The following PSMB2 variants were observed in gnomAD, a reference collection of about 807,000 sequenced individuals.
The protein encoded by PSMB2 is proteasome subunit beta type-2.
PSMB2 carries 13 observed loss-of-function variants against 25.7 expected under a neutral mutation model. The ratio of observed to expected loss-of-function variants is 0.51; its 90% CI spans 0.33 to 0.80. The LOEUF is 0.80. Among genes scored for constraint, PSMB2 ranks in the 30% least tolerant of loss-of-function variants. The probability of loss-of-function intolerance (pLI) is 0.02; values close to 1 mark genes in which losing one functional copy is unlikely to be tolerated. For missense variants in PSMB2, 202 were observed against 259.0 expected (o/e 0.78, Z 1.51); for synonymous variants, 87 against 96.2 (o/e 0.90, Z 0.56).
intron 3 of PSMB2, among the ~76,000 whole-genome samples, chr1:35,627,519 C>T (rs1650901345): frequency 1.3e-5 from 2 of 151,932 alleles, no homozygotes; most frequent in South Asian, 4.2e-4. Context: ...TAGTGGTATG[C>T]ACCTACAGTC....
rs1433122794 is a variant in PSMB2, at chr1:35,599,926, A to T, written c.*3341T>A. On this transcript the variant is annotated 3_prime_UTR_variant, in exon 6 of 6. Transcript: ENST00000373237. Reference sequence around the variant, plus strand: ...GGTGGGAGGATCACTTGAGGCCAAGAGTTCGAGACCAGCCTAGGCAACATG... The same window carrying T: ...GGTGGGAGGATCACTTGAGGCCAAGTGTTCGAGACCAGCCTAGGCAACATG... 1 of 859,164 alleles carries T rather than the reference A, an allele frequency of 1.2e-6. No homozygotes were observed. Among genetic ancestry groups the T allele is most frequent in the African/African-American group, 1.8e-5 (1 of 54,516 alleles). The allele number at this position is 859,164 out of a possible 1,614,324, so 53.2% of individuals were successfully genotyped here.
chr1:35,641,349 C>T lies in PSMB2; in HGVS notation c.84G>A (p.Met28Ile). 6.2e-7 allele frequency: 1 copy of T among 1,614,146 alleles called. No homozygotes were observed. The highest frequency in any genetic ancestry group is 8.5e-7 in the Non-Finnish European group (1 of 1,180,024). Residue 28 changes from methionine (M) to isoleucine (I), a missense_variant, in exon 1 of 6, where the codon ATG (methionine) becomes ATA (isoleucine). Coordinates refer to ENST00000373237, the MANE Select transcript of PSMB2 (RefSeq NM_002794.5). Reference sequence around the variant, plus strand: ...TCCCCTGCTTCCTCTCACCGTCCTTCATCTGGACAATATTGCTGGCGGCCA... The same window carrying T: ...TCCCCTGCTTCCTCTCACCGTCCTTTATCTGGACAATATTGCTGGCGGCCA... Reference protein sequence around the residue: ...DRVAASNIVQMKDDHDKMFKM... With the variant: ...DRVAASNIVQIKDDHDKMFKM...
chr1:35,609,522 G>A (rs1650270590), intron 3 of PSMB2, 114 bp from the exon 4 acceptor site: 1 of 984,430 alleles, frequency 1.0e-6, no homozygotes, highest in South Asian at 2.4e-5. Context: ...AGCAGCAACT[G>A]AGTAAATCAC....
Position 35,641,377 on chromosome 1 carries a change from C to G in PSMB2, c.56G>C (p.Arg19Pro), listed in dbSNP as rs1285635809. ...GPDYVLVASD[R>P]VAASNIVQMK... is the part of the protein sequence containing the mutation. Reference sequence around the variant, plus strand: ...CTGGACAATATTGCTGGCGGCCACCCGGTCGGAGGCGACAAGAACATAGTC... The same window carrying G: ...CTGGACAATATTGCTGGCGGCCACCGGGTCGGAGGCGACAAGAACATAGTC... Residue 19 changes from arginine (R) to proline (P), a missense_variant, in exon 1 of 6, where the codon CGG becomes CCG. Transcript: ENST00000373237. 1 of 1,614,104 alleles carries G rather than the reference C, an allele frequency of 6.2e-7. No individual in the cohort carries two copies. Among genetic ancestry groups the G allele is most frequent in the Non-Finnish European group, 8.5e-7 (1 of 1,180,018 alleles).
At chr1:35,604,517 T>C (rs951558945) in intron 5 of PSMB2, among the ~76,000 whole-genome samples, 3 of 152,124 alleles carry the variant, frequency 2.0e-5, no homozygotes, top group Admixed American at 1.3e-4. Context: ...TGGTGGCTCA[T>C]GCCTGTAATC....
Position 35,601,481 on chromosome 1 carries a change from G to T in PSMB2, c.*1786C>A. 1 of 985,328 alleles carries T rather than the reference G, an allele frequency of 1.0e-6. No individual in the cohort carries two copies. The highest frequency in any genetic ancestry group is 1.2e-6 in the Non-Finnish European group (1 of 829,896). 61.0% of individuals were successfully genotyped at this position (985,328 alleles called of 1,614,324 possible). ...TGGAGGTTGAATCAACTGTAGTGAC[G>T]TGAATCATCTCTTTTCTCCCATTTA... On this transcript the variant is annotated 3_prime_UTR_variant, in exon 6 of 6. Transcript: ENST00000373237.
Position 35,638,734 on chromosome 1 carries a change from C to A in PSMB2, c.92-2302G>T, listed in dbSNP as rs186686394. On this transcript the variant is annotated intron_variant, in intron 1 of 5. Transcript: ENST00000373237. The stretch of plus-strand genomic sequence containing the variant: ...GCCAAGAGAAAAGAGACATGAAATG[C>A]GGCATATAAGCAAACCAAAAGTTAT... Among the ~76,000 whole-genome samples, 4 of 152,210 alleles carry A rather than the reference C, an allele frequency of 2.6e-5. No homozygotes were observed. In the South Asian group the frequency reaches 8.3e-4, roughly 32 times the overall value.
rs1296049200 is a variant in PSMB2 at position 35,617,711 on chromosome 1, G to A, written c.286-8303C>T. On this transcript the variant is annotated intron_variant, in intron 3 of 5. Coordinates refer to ENST00000373237, the MANE Select transcript of PSMB2 (RefSeq NM_002794.5). ...GTATACGTGAAGACAAAGAAACAGA[G>A]GAATATGGAATGTCTGGATACTGGT... Among the ~76,000 whole-genome samples the A allele has an allele frequency of 2.6e-5, 4 of 152,188 alleles. No individual in the cohort carries two copies. In the East Asian group the frequency reaches 7.7e-4, roughly 29 times the overall value.
rs533727147 is a variant in PSMB2, at chr1:35,610,791, G to T, written c.286-1383C>A. On this transcript the variant is annotated intron_variant, in intron 3 of 5. Transcript: ENST00000373237. Reference sequence around the variant, plus strand: ...TTACAGGCGTGAGCCACTGCGCCCGGCCATAAGTCTCAAATATTTAAATCA... The same window carrying T: ...TTACAGGCGTGAGCCACTGCGCCCGTCCATAAGTCTCAAATATTTAAATCA... Among the ~76,000 whole-genome samples the T allele has an allele frequency of 2.0e-5, 3 of 152,326 alleles. No individual in the cohort carries two copies. The East Asian group carries it at 5.8e-4, about 29-fold the overall frequency.
chr1:35,606,326 C>T (rs1028399592), intron 4 of PSMB2, among the ~76,000 whole-genome samples: 3 of 152,156 alleles, frequency 2.0e-5, no homozygotes, highest in Non-Finnish European at 2.9e-5. Flanking sequence ...AGAAAACTCT[C>T]ACATCTGATA....
chr1:35,632,738 A>G (rs528923834), intron 2 of PSMB2, among the ~76,000 whole-genome samples: 128 of 152,166 alleles, frequency 8.4e-4, no homozygotes, highest in Admixed American at 2.6e-3. Flanking sequence ...TACTAAAAAT[A>G]TAAAAATTAG....
At chr1:35,619,368 G>A (rs538502007) in intron 3 of PSMB2, among the ~76,000 whole-genome samples, 257 of 152,238 alleles carry the variant, frequency 1.7e-3, no homozygotes, top group African/African-American at 5.6e-3. Flanking sequence ...ATATAAGATA[G>A]GCATGTACTT....
At chr1:35,631,455 G>A in intron 2 of PSMB2, 111 bp from the exon 3 acceptor site, 1 of 1,542,364 alleles carries the variant, frequency 6.5e-7, no homozygotes, top group South Asian at 1.2e-5. Context: ...TACACTCAGA[G>A]TAAACAAAGC....
chr1:35,641,243 T>C, intron 1 of PSMB2, 99 bp downstream of exon 1: 2 of 1,455,368 alleles, frequency 1.4e-6, no homozygotes, highest in Non-Finnish European at 1.9e-6. Context: ...CCGGCTTCCA[T>C]CTCTCAGATC....
Position 35,600,141 on chromosome 1 carries a change from T to C in PSMB2, c.*3126A>G. 1 of 966,646 alleles carries C rather than the reference T, an allele frequency of 1.0e-6. No homozygotes were observed. The highest frequency in any genetic ancestry group is 4.8e-5 in the South Asian group (1 of 20,848). 59.9% of individuals were successfully genotyped at this position (966,646 alleles called of 1,614,324 possible). ...CTAGGTGATGGAGCAAGACCCTGTCTCTGAAAAACAACAATAAAAAATTAT... is the reference window on the plus strand; with the variant it reads ...CTAGGTGATGGAGCAAGACCCTGTCCCTGAAAAACAACAATAAAAAATTAT... On this transcript the variant is annotated 3_prime_UTR_variant, in exon 6 of 6. Coordinates refer to ENST00000373237, the MANE Select transcript of PSMB2 (RefSeq NM_002794.5).
chr1:35,634,745 T>TA (rs1651197163), intron 2 of PSMB2, among the ~76,000 whole-genome samples: 1 of 151,576 alleles, frequency 6.6e-6, no homozygotes, highest in Non-Finnish European at 1.5e-5. Flanking sequence ...AGTCTGATAC[T>TA]ACCATCCCTA....
intron 3 of PSMB2, among the ~76,000 whole-genome samples, chr1:35,611,788 C>T (rs1256891050): frequency 6.6e-6 from 1 of 151,892 alleles, no homozygotes; most frequent in Non-Finnish European, 1.5e-5. Flanking sequence ...AGTGCTACTG[C>T]ACCACTCCAG....
intron 2 of PSMB2, among the ~76,000 whole-genome samples, chr1:35,632,046 A>G (rs1571140872): frequency 6.6e-6 from 1 of 152,218 alleles, no homozygotes; most frequent in African/African-American, 2.4e-5. Flanking sequence ...AACAAAAAGG[A>G]TATTGGGAAA....
At chr1:35,632,668 C>A (rs1557458524) in intron 2 of PSMB2, among the ~76,000 whole-genome samples, 1 of 151,926 alleles carries the variant, frequency 6.6e-6, no homozygotes, top group African/African-American at 2.4e-5. Context: ...CGGAGGCAGG[C>A]AGATCACTCG....
Sources: allele counts gnomAD v4.1 joint callset (sites outside exome capture counted in the v4.1 genomes callset), GRCh38; gene constraint gnomAD v4.1.1; transcripts MANE v1.5; gene names NCBI Gene and HGNC (gene_info 2026-07-23, HGNC 2026-07-21).